CCAR1: variants seen among roughly 807,000 people sequenced by gnomAD.
CCAR1 encodes the protein cell division cycle and apoptosis regulator 1, also known as cell division cycle and apoptosis regulator protein 1.
In CCAR1, 78 loss-of-function variants were observed where a neutral mutation model predicts 163.8. The observed-to-expected ratio is 0.48, with a 90% CI of 0.40 to 0.57. The LOEUF (loss-of-function observed/expected upper bound fraction) is 0.57, where lower values mean the gene tolerates loss of function less well. Among genes scored for constraint, CCAR1 ranks in the 20% least tolerant of loss-of-function variants. The pLI is 0.00. For missense variants in CCAR1, 1,019 were observed against 1,365.2 expected, an observed-to-expected ratio of 0.75 and a Z score of 4.00; for synonymous variants, 443 against 460.7, an observed-to-expected ratio of 0.96 and a Z score of 0.49.
At chr10:68,785,471 C>T (rs761234225) in intron 19 of CCAR1, among the ~76,000 whole-genome samples, 26 of 152,108 alleles carry the variant, frequency 1.7e-4, no homozygotes, top group Non-Finnish European at 1.9e-4. Context: ...ATCCACCTGC[C>T]TCAGCCTCCC....
Position 68,771,392 on chromosome 10 carries a change from C to T in CCAR1, c.2485C>T (p.Arg829Trp), listed in dbSNP as rs139929482. 6.0e-5 allele frequency: 95 copies of T among 1,590,156 alleles called. No homozygotes were observed. Among genetic ancestry groups the T allele is most frequent in the Non-Finnish European group, 7.2e-5 (84 of 1,168,662 alleles). Residue 829 changes from arginine to tryptophan, a missense_variant, in exon 18 of 25, where the codon CGG (arginine) becomes TGG (tryptophan). By Grantham distance (101) the Arg-to-Trp change is moderately radical. This residue lies in a region of CCAR1 where 358 missense variants were observed against 406.4 expected (regional missense o/e 0.88). Coordinates refer to ENST00000265872, the MANE Select transcript of CCAR1 (RefSeq NM_018237.4). Reference sequence around the variant, plus strand: ...TGAAACTGATGAACCAAAACCCAAACGGAGAAAATCAGGCGATGATAAAGA... The same window carrying T: ...TGAAACTGATGAACCAAAACCCAAATGGAGAAAATCAGGCGATGATAAAGA... Reference protein sequence around the residue: ...DDETDEPKPKRRKSGDDKDKK... With the variant: ...DDETDEPKPKWRKSGDDKDKK...
At chr10:68,722,664 C>T in intron 2 of CCAR1, 87 bp downstream of exon 2, 1 of 993,778 alleles carries the variant, frequency 1.0e-6, no homozygotes, top group Non-Finnish European at 1.6e-6. Flanking sequence ...GTGGCTCACG[C>T]CTGTTATCCT....
At chr10:68,764,035 T>C (rs904448248) in intron 16 of CCAR1, among the ~76,000 whole-genome samples, 3 of 152,174 alleles carry the variant, frequency 2.0e-5, no homozygotes, top group East Asian at 1.9e-4. Flanking sequence ...AACAGAGATA[T>C]GGAAGATAGA....
intron 16 of CCAR1, among the ~76,000 whole-genome samples, 154 bp downstream of exon 16, chr10:68,761,346 G>A (rs1209841273): frequency 6.6e-6 from 1 of 152,004 alleles, no homozygotes; most frequent in East Asian, 1.9e-4. Flanking sequence ...TCGTTCTGTT[G>A]CCCAGGCTGG....
chr10:68,726,700 A>G (rs1486012465), intron 2 of CCAR1, among the ~76,000 whole-genome samples: 2 of 152,072 alleles, frequency 1.3e-5, no homozygotes, highest in Non-Finnish European at 2.9e-5. Context: ...AGTTTCTGTC[A>G]AAATCACAGA....
intron 19 of CCAR1, among the ~76,000 whole-genome samples, chr10:68,780,078 C>T (rs975040813): frequency 1.3e-5 from 2 of 152,112 alleles, no homozygotes; most frequent in African/African-American, 4.8e-5. Context: ...ATACAAGTTT[C>T]GGATGAGACA....
At chr10:68,727,821 A>T (rs1043828139) in intron 2 of CCAR1, among the ~76,000 whole-genome samples, 19 of 151,924 alleles carry the variant, frequency 1.3e-4, no homozygotes, top group African/African-American at 4.6e-4. Flanking sequence ...ATCTTATTTT[A>T]TTTTTTTGAA....
At chr10:68,745,160 C>T (rs1373076378) in intron 6 of CCAR1, among the ~76,000 whole-genome samples, 5 of 151,960 alleles carry the variant, frequency 3.3e-5, no homozygotes, top group Admixed American at 3.3e-4. Flanking sequence ...CGCCTGCCAC[C>T]ACACCCGGCT....
At chr10:68,776,230 TTTTC>T (rs1350616383) in intron 19 of CCAR1, among the ~76,000 whole-genome samples, 2 of 151,504 alleles carry the variant, frequency 1.3e-5, no homozygotes, top group African/African-American at 4.9e-5. Context: ...AAATTTCTAA[TTTTC>T]TTTTTCTTTT....
rs1000289002 is a variant in CCAR1, at chr10:68,791,402, T to G, written c.*136T>G. The stretch of plus-strand genomic sequence containing the variant: ...TTTAGTTCAAATGATGTATAAAGTT[T>G]TATGAATGTGAGTTTCTGCTTTTGA... On this transcript the variant is annotated 3_prime_UTR_variant, in exon 25 of 25. Coordinates refer to ENST00000265872, the MANE Select transcript of CCAR1 (RefSeq NM_018237.4). 2 of 508,632 alleles carry G rather than the reference T, an allele frequency of 3.9e-6. No homozygotes were observed. The highest frequency in any genetic ancestry group is 4.8e-4 in the Middle Eastern group (1 of 2,078). The allele number at this position is 508,632 out of a possible 1,614,324, so 31.5% of individuals were successfully genotyped here. A position where few individuals can be genotyped will look rare whatever the true frequency, so the allele number is the denominator to read the frequency against.
chr10:68,776,497 C>T (rs1034906593), intron 19 of CCAR1, among the ~76,000 whole-genome samples: 2 of 151,986 alleles, frequency 1.3e-5, no homozygotes, highest in Admixed American at 1.3e-4. Context: ...ACCCAGGAGG[C>T]GGAGGTTGCG....
Position 68,742,369 on chromosome 10 carries a change from T to C in CCAR1, c.325-7T>C, listed in dbSNP as rs376008579. On this transcript the variant is annotated splice_region_variant and splice_polypyrimidine_tract_variant and intron_variant, in intron 5 of 24. Coordinates refer to ENST00000265872, the MANE Select transcript of CCAR1 (RefSeq NM_018237.4). ...TACCTTAATTTGATGTTGATTTTGT[T>C]TTATAGCCAGCTGTTGCACTGCCTA... The C allele has an allele frequency of 5.1e-5, 81 of 1,575,656 alleles. No individual in the cohort carries two copies. The Middle Eastern group carries it at 1.9e-3, about 36-fold the overall frequency.
chr10:68,721,728 C>T (rs574634334), intron 1 of CCAR1: 3 of 325,486 alleles, frequency 9.2e-6, no homozygotes, highest in East Asian at 2.7e-4. Context: ...TGGGTTCCGC[C>T]TTCCGTCGCC....
chr10:68,725,219 CTT>C (rs2055924669), intron 2 of CCAR1, among the ~76,000 whole-genome samples: 1 of 151,988 alleles, frequency 6.6e-6, no homozygotes, highest in Non-Finnish European at 1.5e-5. Context: ...CGGTGCAGCA[CTT>C]TGGGAGGCGG....
chr10:68,783,170 A>T (rs1373451356), intron 19 of CCAR1, among the ~76,000 whole-genome samples: 1 of 151,252 alleles, frequency 6.6e-6, no homozygotes, highest in Non-Finnish European at 1.5e-5. Flanking sequence ...GCCCAGCTAA[A>T]TATTTATTTA....
intron 10 of CCAR1, among the ~76,000 whole-genome samples, chr10:68,752,835 C>T (rs1027079204): frequency 2.0e-5 from 3 of 151,996 alleles, no homozygotes; most frequent in Non-Finnish European, 1.5e-5. Flanking sequence ...TGCCACACTG[C>T]ACTCTGGCCT....
intron 2 of CCAR1, among the ~76,000 whole-genome samples, chr10:68,732,765 A>G (rs1203031319): frequency 2.6e-5 from 4 of 152,170 alleles, no homozygotes; most frequent in Admixed American, 2.6e-4. Flanking sequence ...CCCACCTTTT[A>G]GAACCTATGC....
chr10:68,782,022 T>C (rs142655664), intron 19 of CCAR1, among the ~76,000 whole-genome samples: 36 of 152,212 alleles, frequency 2.4e-4, no homozygotes, highest in Non-Finnish European at 3.2e-4. Flanking sequence ...GGAAAAGTTA[T>C]TGAAGGAAAC....
At chr10:68,769,940 CAAAA>C (rs10527624) in intron 17 of CCAR1, among the ~76,000 whole-genome samples, 45 of 69,972 alleles carry the variant, frequency 6.4e-4, no homozygotes, top group African/African-American at 1.9e-3. Flanking sequence ...GACTCTGTCT[CAAAA>C]AAAAAAAAAA....
Sources: allele counts gnomAD v4.1 joint callset (sites outside exome capture counted in the v4.1 genomes callset), GRCh38; gene constraint gnomAD v4.1.1; regional missense constraint gnomAD v4.1.1; transcripts MANE v1.5; gene names NCBI Gene and HGNC (gene_info 2026-07-23, HGNC 2026-07-21).